The following TTC29 variants were observed in gnomAD, a reference collection of about 807,000 sequenced individuals.
TTC29 encodes tetratricopeptide repeat protein 29.
A neutral mutation model predicts 58.1 loss-of-function variants in TTC29; 49 were observed. The observed-to-expected ratio is 0.84, with a 90% CI of 0.67 to 1.07. The LOEUF is 1.07. Ranked by LOEUF, TTC29 falls within the 50% of genes least tolerant of loss-of-function variation. The probability of loss-of-function intolerance (pLI) is 0.00; values close to 1 mark genes in which losing one functional copy is unlikely to be tolerated. For missense variants in TTC29, 582 were observed against 555.6 expected, an observed-to-expected ratio of 1.05 and a Z score of -0.48; for synonymous variants, 209 against 196.8, an observed-to-expected ratio of 1.06 and a Z score of -0.52.
At chr4:146,845,094 T>C (rs1052218316) in intron 8 of TTC29, among the ~76,000 whole-genome samples, 2 of 152,146 alleles carry the variant, frequency 1.3e-5, no homozygotes, top group African/African-American at 2.4e-5. Context: ...TGGGAATTCG[T>C]AGGATTAGGG....
chr4:146,744,174 C>A (rs1187939590), intron 11 of TTC29, among the ~76,000 whole-genome samples: 7 of 152,076 alleles, frequency 4.6e-5, no homozygotes, highest in African/African-American at 1.2e-4. Flanking sequence ...ATGAAGAAGG[C>A]TTTTGTTAGA....
intron 8 of TTC29, among the ~76,000 whole-genome samples, chr4:146,841,710 G>C (rs994909739): frequency 2.6e-5 from 4 of 152,014 alleles, no homozygotes; most frequent in African/African-American, 9.7e-5. Flanking sequence ...CCTTGGAGGA[G>C]CCTTGTGAGA....
chr4:146,710,038 G>T (rs933484674), intron 11 of TTC29, among the ~76,000 whole-genome samples: 1 of 152,084 alleles, frequency 6.6e-6, no homozygotes, highest in African/African-American at 2.4e-5. Context: ...TATCAGTAGA[G>T]AACTATTTAG....
intron 7 of TTC29, among the ~76,000 whole-genome samples, chr4:146,868,346 C>A (rs1457873791): frequency 6.6e-6 from 1 of 152,006 alleles, no homozygotes; most frequent in Non-Finnish European, 1.5e-5. Context: ...ACATTGTGCA[C>A]ATGTACCCTA....
chr4:146,707,151 A>AGCTGCT lies in TTC29; in HGVS notation c.*1_*6dup. ...CTTCTTGCTTTGATGTTAAGTGAAA[A>AGCTGCT]GCTGCTTTAAGTTTCATTTTTTTGA... On this transcript the variant is annotated 3_prime_UTR_variant, in exon 13 of 13. Coordinates refer to ENST00000325106, the MANE Select transcript of TTC29 (RefSeq NM_031956.4). 6.6e-7 allele frequency: 1 copy of AGCTGCT among 1,525,608 alleles called. No individual in the cohort carries two copies. The allele number at this position is 1,525,608 out of a possible 1,614,324, so 94.5% of individuals were successfully genotyped here.
intron 11 of TTC29, among the ~76,000 whole-genome samples, chr4:146,715,641 G>T (rs1742874184): frequency 6.6e-6 from 1 of 152,130 alleles, no homozygotes. Flanking sequence ...GGTGGGAGAT[G>T]TTGGTTAATG....
chr4:146,727,010 C>G (rs1374847127), intron 11 of TTC29, among the ~76,000 whole-genome samples: 1 of 151,656 alleles, frequency 6.6e-6, no homozygotes, highest in East Asian at 1.9e-4. Flanking sequence ...CTAGAGGCAA[C>G]CACTGTTACT....
Position 146,880,319 on chromosome 4 carries a change from T to C in TTC29, c.587-5391A>G, listed in dbSNP as rs567045053. ...ACATCTACATAAACAATGAGGAGTT[T>C]GGCATGCATTTATAGTTTTTTACCT... On this transcript the variant is annotated intron_variant, in intron 6 of 12. Transcript: ENST00000325106. 2.6e-5 allele frequency among the ~76,000 whole-genome samples: 4 copies of C among 152,256 alleles called. No homozygotes were observed. In the South Asian group the frequency reaches 8.3e-4, roughly 32 times the overall value.
intron 4 of TTC29, among the ~76,000 whole-genome samples, chr4:146,925,359 T>C (rs73852748): frequency 0.075 from 11,404 of 152,162 alleles, 1,457 homozygotes; most frequent in African/African-American, 0.26. Context: ...TTTGGTTTAA[T>C]GTTTTTTTGA....
intron 10 of TTC29, among the ~76,000 whole-genome samples, chr4:146,810,781 A>G (rs4835051): frequency 0.062 from 9,471 of 151,866 alleles, 398 homozygotes; most frequent in Admixed American, 0.13. Flanking sequence ...TGGTAGAGAC[A>G]GGGTTTTATC....
chr4:146,834,950 G>T (rs1207057429), intron 8 of TTC29, among the ~76,000 whole-genome samples: 2 of 152,070 alleles, frequency 1.3e-5, no homozygotes, highest in Non-Finnish European at 2.9e-5. Context: ...TAAAACTTAT[G>T]GCTATATACT....
chr4:146,710,773 T>G (rs1015017050), intron 11 of TTC29, among the ~76,000 whole-genome samples: 15 of 152,250 alleles, frequency 9.9e-5, no homozygotes, highest in African/African-American at 3.6e-4. Context: ...CACTTCTTTG[T>G]TGCTAATAGT....
At chr4:146,755,418 A>G (rs865868647) in intron 11 of TTC29, among the ~76,000 whole-genome samples, 20 of 152,220 alleles carry the variant, frequency 1.3e-4, no homozygotes, top group African/African-American at 4.6e-4. Flanking sequence ...AGCCAAAACA[A>G]TTCTGAGAAA....
intron 4 of TTC29, among the ~76,000 whole-genome samples, chr4:146,920,899 A>G (rs771362904): frequency 8.6e-5 from 13 of 151,134 alleles, no homozygotes; most frequent in Non-Finnish European, 1.6e-4. Flanking sequence ...GCAGCAGTTG[A>G]TCTCATTTCT....
At chr4:146,844,680 C>T (rs912599902) in intron 8 of TTC29, among the ~76,000 whole-genome samples, 3 of 152,124 alleles carry the variant, frequency 2.0e-5, no homozygotes, top group Non-Finnish European at 2.9e-5. Context: ...TGTGCCCAGC[C>T]CCCAGCCCTT....
intron 4 of TTC29, among the ~76,000 whole-genome samples, chr4:146,910,650 T>C (rs1343627822): frequency 6.6e-6 from 1 of 152,076 alleles, no homozygotes; most frequent in East Asian, 1.9e-4. Context: ...GTCAGGGAAC[T>C]GACATGACGA....
At chr4:146,710,068 T>C (rs1164458371) in intron 11 of TTC29, among the ~76,000 whole-genome samples, 1 of 152,134 alleles carries the variant, frequency 6.6e-6, no homozygotes, top group Non-Finnish European at 1.5e-5. Flanking sequence ...TGTGACTAAG[T>C]TCTCAGCAAT....
intron 11 of TTC29, among the ~76,000 whole-genome samples, chr4:146,730,142 T>C (rs1744219415): frequency 6.6e-6 from 1 of 152,186 alleles, no homozygotes. Flanking sequence ...TAAATAAGTA[T>C]ACATTCTCCT....
chr4:146,885,947 A>G (rs1490272094), intron 6 of TTC29, among the ~76,000 whole-genome samples: 2 of 151,988 alleles, frequency 1.3e-5, no homozygotes, highest in African/African-American at 4.8e-5. Context: ...CTATGTATTC[A>G]TTACTTTCCA....
Sources: gnomAD v4.1 joint callset for allele counts (sites outside exome capture counted in the v4.1 genomes callset) on GRCh38, gnomAD v4.1.1 for gene constraint, MANE v1.5 for transcripts, NCBI Gene and HGNC (gene_info 2026-07-23, HGNC 2026-07-21) for gene names.